Variants in ZSWIM3 observed in about 807,000 individuals in gnomAD.
The protein encoded by ZSWIM3 is zinc finger SWIM-type containing 3, also known as zinc finger SWIM domain-containing protein 3.
ZSWIM3 carries 27 observed loss-of-function variants against 47.5 expected under a neutral mutation model. That is an observed-to-expected ratio of 0.57 (90% CI 0.42 to 0.78). ZSWIM3 has a LOEUF of 0.78. Ranked by LOEUF, ZSWIM3 falls within the 30% of genes least tolerant of loss-of-function variation. The pLI, the probability that ZSWIM3 is intolerant of heterozygous loss-of-function variation, is 0.00. For missense variants in ZSWIM3, 689 were observed against 861.3 expected (o/e 0.80, Z 2.50); for synonymous variants, 333 against 333.9 (o/e 1.00, Z 0.03).
At chr20:45,872,800 C>A (rs1043729374) in intron 1 of ZSWIM3, 1 of 1,289,294 alleles carries the variant, frequency 7.8e-7, no homozygotes, top group Non-Finnish European at 1.0e-6. Context: ...AGAGATGGCA[C>A]CACCCCCGCA....
At chr20:45,860,675 T>A in intron 1 of ZSWIM3, among the ~76,000 whole-genome samples, 1 of 152,254 alleles carries the variant, frequency 6.6e-6, no homozygotes, top group African/African-American at 2.4e-5. Context: ...TCATCACGTC[T>A]CTGACTCCCT....
At chr20:45,858,046 C>A in intron 1 of ZSWIM3, 66 bp downstream of exon 1, 2 of 1,541,718 alleles carry the variant, frequency 1.3e-6, no homozygotes, top group Non-Finnish European at 1.8e-6. Context: ...GGAGGGCTGC[C>A]TGGAGGAGGA....
intron 1 of ZSWIM3, among the ~76,000 whole-genome samples, chr20:45,875,381 G>T (rs1392479909): frequency 2.0e-5 from 3 of 151,682 alleles, no homozygotes; most frequent in Non-Finnish European, 2.9e-5. Context: ...TTGCTGTGTT[G>T]CCCAGGCTGA....
Position 45,878,807 on chromosome 20 carries a change from T to G in ZSWIM3, c.*158T>G, listed in dbSNP as rs1252957498. Reference sequence around the variant, plus strand: ...TAGAGAGGAAGGGAACTCCACTGTGTGACAGTCCTTTCAATCTGCCCCTTT... The same window carrying G: ...TAGAGAGGAAGGGAACTCCACTGTGGGACAGTCCTTTCAATCTGCCCCTTT... On this transcript the variant is annotated 3_prime_UTR_variant, in exon 2 of 2. Transcript: ENST00000255152. 4.2e-6 allele frequency: 4 copies of G among 959,618 alleles called. No individual in the cohort carries two copies. The East Asian group carries it at 1.1e-4, about 26-fold the overall frequency. 59.4% of individuals were successfully genotyped at this position (959,618 alleles called of 1,614,324 possible). A position where few individuals can be genotyped will look rare whatever the true frequency, so the allele number is the denominator to read the frequency against.
chr20:45,861,318 C>T (rs951366120), intron 1 of ZSWIM3, among the ~76,000 whole-genome samples: 3 of 151,822 alleles, frequency 2.0e-5, no homozygotes, highest in Non-Finnish European at 4.4e-5. Flanking sequence ...CTGGAGGCTG[C>T]GGCAGGAGGA....
At chr20:45,862,033 TAAATA>T (rs1985720924) in intron 1 of ZSWIM3, among the ~76,000 whole-genome samples, 1 of 150,150 alleles carries the variant, frequency 6.7e-6, no homozygotes. Flanking sequence ...TGTCTCAAAA[TAAATA>T]AATAAAAAGT....
chr20:45,864,629 G>A (rs556237911), intron 1 of ZSWIM3, among the ~76,000 whole-genome samples: 33 of 152,188 alleles, frequency 2.2e-4, no homozygotes, highest in Middle Eastern at 3.4e-3. Flanking sequence ...TTGGGAGGTC[G>A]AGGCGGGCGG....
chr20:45,876,609 G>A (rs976841017), intron 1 of ZSWIM3, 105 bp from the exon 2 acceptor site: 8 of 1,402,404 alleles, frequency 5.7e-6, no homozygotes, highest in Non-Finnish European at 7.7e-6. Context: ...AAAGTGCTGG[G>A]GTTATAGGCA....
chr20:45,865,187 C>T (rs1024269860), intron 1 of ZSWIM3, among the ~76,000 whole-genome samples: 7 of 151,654 alleles, frequency 4.6e-5, no homozygotes, highest in East Asian at 1.9e-4. Flanking sequence ...GGTGTGGTGG[C>T]GCACACCTGC....
At chr20:45,873,440 A>T (rs1986022085) in intron 1 of ZSWIM3, among the ~76,000 whole-genome samples, 1 of 152,170 alleles carries the variant, frequency 6.6e-6, no homozygotes, top group Non-Finnish European at 1.5e-5. Context: ...GTATTGTGTT[A>T]GAGGCTTGGA....
chr20:45,869,373 G>A (rs1985916374), intron 1 of ZSWIM3, among the ~76,000 whole-genome samples: 1 of 151,580 alleles, frequency 6.6e-6, no homozygotes, highest in African/African-American at 2.4e-5. Context: ...CAAAAAATTA[G>A]CCAGGCATGA....
In ZSWIM3 at chr20:45,875,035, C is replaced by CTTT. The variant is rs35356697; in HGVS notation, c.156-1658_156-1656dup. 6.3e-3 allele frequency among the ~76,000 whole-genome samples: 569 copies of CTTT among 90,530 alleles called. 20 individuals are homozygous for CTTT. The highest frequency in any genetic ancestry group is 0.012 in the South Asian group (27 of 2,312). The allele number at this position is 90,530 out of a possible 152,430, so 59.4% of individuals were successfully genotyped here. ...GATTTGGGGGGGGTTTTAATTTTAA[C>CTTT]TTTTTTTTTTTTTTTTTTTTTTTGA... On this transcript the variant is annotated intron_variant, in intron 1 of 1. Coordinates refer to ENST00000255152, the MANE Select transcript of ZSWIM3 (RefSeq NM_080752.4).
intron 1 of ZSWIM3, among the ~76,000 whole-genome samples, chr20:45,862,041 TAA>T (rs1256622923): frequency 2.0e-5 from 3 of 151,830 alleles, no homozygotes; most frequent in Non-Finnish European, 1.5e-5. Context: ...AATAAATAAA[TAA>T]AAAGTGTTTT....
intron 1 of ZSWIM3, among the ~76,000 whole-genome samples, chr20:45,874,605 C>T (rs1183434056): frequency 6.6e-6 from 1 of 152,212 alleles, no homozygotes; most frequent in African/African-American, 2.4e-5. Context: ...CAGTTGAGAA[C>T]CACTGATCTA....
intron 1 of ZSWIM3, among the ~76,000 whole-genome samples, chr20:45,858,946 A>G (rs980459676): frequency 6.6e-6 from 1 of 152,156 alleles, no homozygotes; most frequent in African/African-American, 2.4e-5. Flanking sequence ...TTTGAATTTT[A>G]CTTTAAGAAA....
intron 1 of ZSWIM3, among the ~76,000 whole-genome samples, chr20:45,860,287 G>A (rs1017755830): frequency 5.9e-5 from 9 of 152,020 alleles, no homozygotes; most frequent in African/African-American, 2.2e-4. Context: ...GGCCAAGGTG[G>A]GCAGATCACT....
At chr20:45,864,314 AG>A (rs1431166042) in intron 1 of ZSWIM3, among the ~76,000 whole-genome samples, 2 of 152,172 alleles carry the variant, frequency 1.3e-5, no homozygotes, top group East Asian at 3.8e-4. Flanking sequence ...GATGTTATAA[AG>A]GACATTCTTG....
At chr20:45,873,255 G>T (rs891007179) in intron 1 of ZSWIM3, among the ~76,000 whole-genome samples, 8 of 152,172 alleles carry the variant, frequency 5.3e-5, no homozygotes, top group African/African-American at 1.9e-4. Flanking sequence ...TACAAAATTT[G>T]CCGGGCATGG....
In ZSWIM3 at chr20:45,877,869, T is replaced by C; in HGVS notation, c.1311T>C (p.Pro437=). ...NTKGLKNLPT[P]PPKLKRARPA... ...AAGGCTTGAAGAACTTGCCCACACC[T>C]CCTCCCAAATTAAAGAGAGCTCGGC... The change falls in exon 2 of 2, where the codon CCT becomes CCC. Residue 437 remains proline, a synonymous_variant. Coordinates refer to ENST00000255152, the MANE Select transcript of ZSWIM3 (RefSeq NM_080752.4). 1 of 1,613,978 alleles carries C rather than the reference T, an allele frequency of 6.2e-7. No individual in the cohort carries two copies. Among genetic ancestry groups the C allele is most frequent in the Middle Eastern group, 1.6e-4 (1 of 6,062 alleles).
Sources: allele counts gnomAD v4.1 joint callset (sites outside exome capture counted in the v4.1 genomes callset), GRCh38; gene constraint gnomAD v4.1.1; transcripts MANE v1.5; gene names NCBI Gene and HGNC (gene_info 2026-07-23, HGNC 2026-07-21).